Variants in DIAPH2 observed in about 807,000 individuals in gnomAD.
DIAPH2 encodes the protein protein diaphanous homolog 2.
In DIAPH2, 35 loss-of-function variants were observed where a neutral mutation model predicts 92.7. That is an observed-to-expected ratio of 0.38 (90% CI 0.29 to 0.50). The LOEUF is 0.50. DIAPH2 is among the 20% of genes least tolerant of loss of function. The pLI is 0.94. For missense variants in DIAPH2, 701 were observed against 819.5 expected, an observed-to-expected ratio of 0.86 and a Z score of 1.77; for synonymous variants, 301 against 280.4, an observed-to-expected ratio of 1.07 and a Z score of -0.73.
intron 17 of DIAPH2, among the ~76,000 whole-genome samples, chrX:97,060,801 C>T (rs752308180): frequency 1.4e-4 from 16 of 112,067 alleles, no homozygotes; most frequent in Non-Finnish European, 2.1e-4. Context: ...TAGTATTAAA[C>T]GGTAGTTCTC....
intron 22 of DIAPH2, among the ~76,000 whole-genome samples, chrX:97,156,674 G>A (rs2067325310): frequency 9.0e-6 from 1 of 111,564 alleles, no homozygotes; most frequent in African/African-American, 3.3e-5. Flanking sequence ...GACATAAGTA[G>A]TGGATGAGGG....
intron 17 of DIAPH2, among the ~76,000 whole-genome samples, chrX:97,055,543 G>A (rs145608262): frequency 0.017 from 1,844 of 111,514 alleles, 36 homozygotes; most frequent in African/African-American, 0.057. Flanking sequence ...AGAGATAAGA[G>A]TTGGATTTAT....
chrX:97,329,441 GATTCAA>G (rs1484062988), intron 23 of DIAPH2, among the ~76,000 whole-genome samples: 6 of 112,370 alleles, frequency 5.3e-5, no homozygotes, highest in Non-Finnish European at 1.1e-4. Flanking sequence ...ATTTCAGAGT[GATTCAA>G]ATATTGATAT....
At chrX:97,502,848 C>T (rs1221165019) in intron 26 of DIAPH2, among the ~76,000 whole-genome samples, 1 of 112,426 alleles carries the variant, frequency 8.9e-6, no homozygotes, top group African/African-American at 3.2e-5. Flanking sequence ...ATTCTAGTAA[C>T]GTGAGCAGTG....
intron 17 of DIAPH2, among the ~76,000 whole-genome samples, chrX:97,043,048 G>C (rs1484659110): frequency 9.0e-6 from 1 of 111,395 alleles, no homozygotes; most frequent in African/African-American, 3.2e-5. Context: ...AAACCAAGTA[G>C]ACATTGTTTT....
chrX:97,161,051 G>GTTTTTTTTTTTTTTTT (rs533317066), intron 22 of DIAPH2, among the ~76,000 whole-genome samples: 2 of 88,942 alleles, frequency 2.2e-5, no homozygotes, highest in Non-Finnish European at 4.4e-5. Context: ...TTGTTTTTTT[G>GTTTTTTTTTTTTTTTT]TTTTTTTTTT....
intron 26 of DIAPH2, among the ~76,000 whole-genome samples, chrX:97,587,763 A>G (rs971920771): frequency 3.6e-5 from 4 of 112,242 alleles, no homozygotes; most frequent in Admixed American, 2.8e-4. Context: ...TGGCTCTCAC[A>G]ATATCTAATA....
In DIAPH2 at chrX:97,564,382, T is replaced by C. The variant is rs769535877; in HGVS notation, c.3242-34871T>C. 4.4e-5 allele frequency: 5 copies of C among 112,492 alleles called. No homozygotes were observed. The East Asian group carries it at 1.4e-3, about 31-fold the overall frequency. The allele number at this position is 112,492 out of a possible 1,213,427, so 9.3% of individuals were successfully genotyped here. Reference sequence around the variant, plus strand: ...AACGACAGAAATTTATTGCTTACATTTCTAGAGGCTGGGAAGTCCAGGATC... The same window carrying C: ...AACGACAGAAATTTATTGCTTACATCTCTAGAGGCTGGGAAGTCCAGGATC... On this transcript the variant is annotated intron_variant, in intron 26 of 26. Coordinates refer to ENST00000324765, the MANE Select transcript of DIAPH2 (RefSeq NM_006729.5).
chrX:97,136,973 A>G (rs1275945010), intron 21 of DIAPH2, among the ~76,000 whole-genome samples: 1 of 109,383 alleles, frequency 9.1e-6, no homozygotes, highest in Non-Finnish European at 1.9e-5. Context: ...ATTTTCTACT[A>G]AATTCTAAGC....
At chrX:97,393,255 A>G (rs1321345713) in intron 25 of DIAPH2, among the ~76,000 whole-genome samples, 1 of 111,733 alleles carries the variant, frequency 8.9e-6, no homozygotes, top group Non-Finnish European at 1.9e-5. Flanking sequence ...AAAATTTCAT[A>G]AAGGAGATTT....
At chrX:97,304,855 G>A (rs186861801) in intron 23 of DIAPH2, among the ~76,000 whole-genome samples, 4 of 111,837 alleles carry the variant, frequency 3.6e-5, no homozygotes, top group Admixed American at 2.9e-4. Flanking sequence ...TTAATATATC[G>A]ATTAGTGTAT....
At chrX:97,212,294 C>T (rs1460346577) in intron 22 of DIAPH2, among the ~76,000 whole-genome samples, 1 of 111,256 alleles carries the variant, frequency 9.0e-6, no homozygotes, top group African/African-American at 3.3e-5. Flanking sequence ...GGCAATGAGA[C>T]AATTATTGCA....
At chrX:97,298,514 A>C (rs191573645) in intron 23 of DIAPH2, among the ~76,000 whole-genome samples, 1 of 109,943 alleles carries the variant, frequency 9.1e-6, no homozygotes, top group African/African-American at 3.3e-5. Flanking sequence ...AGTCGTCATT[A>C]GGCAGCTCTT....
intron 19 of DIAPH2, among the ~76,000 whole-genome samples, chrX:97,077,913 TGTAATTATGA>T (rs937497992): frequency 4.5e-5 from 5 of 111,819 alleles, no homozygotes; most frequent in Admixed American, 1.9e-4. Context: ...TTTTAATACA[TGTAATTATGA>T]GTTACTGTCA....
At position 97,601,325 on chromosome X, in the gene DIAPH2, C is replaced by T. The variant is rs2071594229; in HGVS notation, c.*2008C>T. On this transcript the variant is annotated 3_prime_UTR_variant, in exon 27 of 27. Coordinates refer to ENST00000324765, the MANE Select transcript of DIAPH2 (RefSeq NM_006729.5). ...AGGTAGAAATACTGATATGTATCAT[C>T]ACCTTTTCCAGATACAAACTTGCCT... The T allele has an allele frequency of 9.0e-6, 1 of 111,547 alleles. No individual in the cohort carries two copies. The highest frequency in any genetic ancestry group is 2.8e-4 in the East Asian group (1 of 3,581). 9.2% of individuals were successfully genotyped at this position (111,547 alleles called of 1,213,427 possible). A position where few individuals can be genotyped will look rare whatever the true frequency, so the allele number is the denominator to read the frequency against.
At position 97,201,131 on chromosome X, in the gene DIAPH2, AC is replaced by A. The variant is rs58996513; in HGVS notation, c.2720-46574del. ...AGCAACAACAGCATCAACAAGAAAG[AC>A]CCCCCCCCCAAAAAAAACCCCATCC... On this transcript the variant is annotated intron_variant, in intron 22 of 26. Coordinates refer to ENST00000324765, the MANE Select transcript of DIAPH2 (RefSeq NM_006729.5). 2.3e-3 allele frequency among the ~76,000 whole-genome samples: 161 copies of A among 68,810 alleles called. 1 individual carries two copies. In the Middle Eastern group the frequency reaches 0.028, roughly 12 times the overall value. 59.8% of individuals were successfully genotyped at this position (68,810 alleles called of 115,157 possible). A position where few individuals can be genotyped will look rare whatever the true frequency, so the allele number is the denominator to read the frequency against.
At chrX:97,454,735 G>A (rs1414846336) in intron 26 of DIAPH2, among the ~76,000 whole-genome samples, 3 of 109,985 alleles carry the variant, frequency 2.7e-5, no homozygotes, top group African/African-American at 9.9e-5. Flanking sequence ...CACGCCTGTA[G>A]TCCCAGGTAC....
intron 23 of DIAPH2, among the ~76,000 whole-genome samples, chrX:97,287,620 C>G (rs780784667): frequency 3.2e-4 from 35 of 108,308 alleles, no homozygotes; most frequent in Non-Finnish European, 6.5e-4. Flanking sequence ...AACATATTAC[C>G]ACAGAGTTTA....
At chrX:96,783,912 G>C (rs144392437) in intron 4 of DIAPH2, among the ~76,000 whole-genome samples, 1,144 of 111,975 alleles carry the variant, frequency 0.01, 10 homozygotes, top group Non-Finnish European at 0.016. Flanking sequence ...AATATCCCAG[G>C]CATATCTATA....
Sources: gnomAD v4.1 joint callset for allele counts (sites outside exome capture counted in the v4.1 genomes callset) on GRCh38, gnomAD v4.1.1 for gene constraint, MANE v1.5 for transcripts, NCBI Gene and HGNC (gene_info 2026-07-23, HGNC 2026-07-21) for gene names.